Variants in FRAS1 observed in about 807,000 individuals in gnomAD.
FRAS1 encodes extracellular matrix organizing protein FRAS1.
A neutral mutation model predicts 435.2 loss-of-function variants in FRAS1; 290 were observed. The ratio of observed to expected loss-of-function variants is 0.67; its 90% CI spans 0.61 to 0.73. FRAS1 has a LOEUF of 0.73. Ranked by LOEUF, FRAS1 falls within the 30% of genes least tolerant of loss-of-function variation. The pLI, the probability that FRAS1 is intolerant of heterozygous loss-of-function variation, is 0.00. For missense variants in FRAS1, 4,860 were observed against 5,001.5 expected, an observed-to-expected ratio of 0.97 and a Z score of 0.85; for synonymous variants, 1,800 against 1,851.0, an observed-to-expected ratio of 0.97 and a Z score of 0.71.
At chr4:78,391,070 T>C (rs980437042) in intron 29 of FRAS1, among the ~76,000 whole-genome samples, 1 of 152,182 alleles carries the variant, frequency 6.6e-6, no homozygotes, top group Non-Finnish European at 1.5e-5. Flanking sequence ...ATGGATGCAA[T>C]GGCTTGAGTG....
chr4:78,178,860 G>C (rs1425744870), intron 2 of FRAS1, among the ~76,000 whole-genome samples: 1 of 152,128 alleles, frequency 6.6e-6, no homozygotes, highest in Non-Finnish European at 1.5e-5. Context: ...CTTCAAATAG[G>C]ATACTGTATG....
intron 2 of FRAS1, among the ~76,000 whole-genome samples, chr4:78,084,879 A>C (rs915144940): frequency 6.6e-6 from 1 of 152,138 alleles, no homozygotes; most frequent in African/African-American, 2.4e-5. Flanking sequence ...TAAAGAGAAA[A>C]TGAAGCATGA....
intron 63 of FRAS1, among the ~76,000 whole-genome samples, 159 bp downstream of exon 63, chr4:78,509,165 G>C (rs200833353): frequency 1.4e-5 from 1 of 70,540 alleles, no homozygotes; most frequent in Non-Finnish European, 2.6e-5. Context: ...CATAAGAAAA[G>C]GTTATATGCT....
In FRAS1 at chr4:78,481,875, C is replaced by T. The variant is rs373073168; in HGVS notation, c.8515C>T (p.Arg2839Trp). The change falls in exon 57 of 74, where the codon CGG (arginine) becomes TGG (tryptophan). Residue 2839 changes from arginine (R) to tryptophan (W), a missense_variant. Arg to Trp is a moderately radical substitution (Grantham distance 101). Transcript: ENST00000512123. Reference protein sequence around the residue: ...STFASVWCATRPSDPASATPG... With the variant: ...STFASVWCATWPSDPASATPG... ...TTTCGCATCTGTCTGGTGTGCAACG[C>T]GGCCCTCAGACCCAGCTTCTGCCAC... 2.4e-5 allele frequency: 38 copies of T among 1,613,724 alleles called. No individual in the cohort carries two copies. Among genetic ancestry groups the T allele is most frequent in the Admixed American group, 1.2e-4 (7 of 59,990 alleles).
Position 78,252,525 on chromosome 4 carries a change from G to A in FRAS1, c.443G>A (p.Cys148Tyr), listed in dbSNP as rs775952053. ...QELAFIPEGS[C>Y]CPVCVGLGKP... The stretch of plus-strand genomic sequence containing the variant: ...CTGGCATTCATCCCTGAAGGAAGCT[G>A]CTGCCCAGTTTGTGTGGGCCTTGGG... The change falls in exon 5 of 74, where the codon TGC (cysteine) becomes TAC (tyrosine). Residue 148 changes from cysteine (C) to tyrosine (Y), a missense_variant. Coordinates refer to ENST00000512123, the MANE Select transcript of FRAS1 (RefSeq NM_025074.7). 6.2e-7 allele frequency: 1 copy of A among 1,613,730 alleles called. No individual in the cohort carries two copies. Among genetic ancestry groups the A allele is most frequent in the Non-Finnish European group, 8.5e-7 (1 of 1,179,770 alleles).
Position 78,375,872 on chromosome 4 carries a change from A to G in FRAS1, c.3285A>G (p.Thr1095=), listed in dbSNP as rs760081454. 4.3e-6 allele frequency: 7 copies of G among 1,613,854 alleles called. No homozygotes were observed. The highest frequency in any genetic ancestry group is 5.9e-6 in the Non-Finnish European group (7 of 1,179,834). ...TTTCTGTCCACACCTCTAATGAAAC[A>G]TGTTCTGGTAAGTGCTTCTCCTCAG... ...PGFSVHTSNE[T]CSGKIHTPSL... is the part of the protein sequence containing the mutation. Residue 1095 remains threonine, a synonymous_variant, in exon 26 of 74, where the codon ACA becomes ACG. Coordinates refer to ENST00000512123, the MANE Select transcript of FRAS1 (RefSeq NM_025074.7).
intron 2 of FRAS1, among the ~76,000 whole-genome samples, chr4:78,140,946 C>T (rs1047851220): frequency 1.3e-5 from 2 of 152,064 alleles, no homozygotes; most frequent in Non-Finnish European, 2.9e-5. Context: ...AGAAGAGTCA[C>T]AAGTCAGAAC....
chr4:78,507,817 A>G (rs918028394), intron 62 of FRAS1, among the ~76,000 whole-genome samples: 6 of 152,196 alleles, frequency 3.9e-5, no homozygotes, highest in Non-Finnish European at 8.8e-5. Context: ...AGGTGCTACT[A>G]GTATCTAGTG....
intron 2 of FRAS1, among the ~76,000 whole-genome samples, chr4:78,147,029 G>C (rs1333212443): frequency 1.3e-5 from 2 of 151,924 alleles, no homozygotes; most frequent in Admixed American, 6.6e-5. Context: ...GCCCCCAGTA[G>C]ACATCTACAC....
rs189205642 is a variant in FRAS1, at chr4:78,267,307, T to A, written c.856T>A (p.Ser286Thr). 2.7e-5 allele frequency: 44 copies of A among 1,613,808 alleles called. No individual in the cohort carries two copies. Among genetic ancestry groups the A allele is most frequent in the African/African-American group, 5.3e-5 (4 of 74,994 alleles). The change falls in exon 9 of 74, where the codon TCC (serine) becomes ACC (threonine). Residue 286 changes from serine (S) to threonine (T), a missense_variant. Ser to Thr is a moderately conservative substitution (Grantham distance 58). Transcript: ENST00000512123. The stretch of plus-strand genomic sequence containing the variant: ...ATGTGTGTCTCCTGCCGGGAGCTGC[T>A]CCTATGATGGAGTTGTGCGGTACCA... ...EECVSPAGSCSYDGVVRYQDE... is the reference protein window; with the variant it reads ...EECVSPAGSCTYDGVVRYQDE...
At chr4:78,367,157 C>T (rs1215605877) in intron 22 of FRAS1, among the ~76,000 whole-genome samples, 1 of 152,098 alleles carries the variant, frequency 6.6e-6, no homozygotes, top group Non-Finnish European at 1.5e-5. Flanking sequence ...GTAATCCCAC[C>T]ACTTAGGGAG....
rs113580566 is a variant in FRAS1, at chr4:78,098,988, C to A, written c.108+32972C>A. 1.0e-3 allele frequency among the ~76,000 whole-genome samples: 155 copies of A among 152,288 alleles called. 1 individual carries two copies. Among genetic ancestry groups the A allele is most frequent in the African/African-American group, 3.6e-3 (150 of 41,562 alleles). On this transcript the variant is annotated intron_variant, in intron 2 of 73. Coordinates refer to ENST00000512123, the MANE Select transcript of FRAS1 (RefSeq NM_025074.7). ...TGGCAGGGGAGATGTAACAGCAGAA[C>A]CTCGAGCTCCTGCTCCCAAAATCAG... is the stretch of plus-strand genomic sequence containing the variant.
chr4:78,212,944 C>T (rs1202773701), intron 2 of FRAS1, among the ~76,000 whole-genome samples: 1 of 152,140 alleles, frequency 6.6e-6, no homozygotes, highest in Non-Finnish European at 1.5e-5. Flanking sequence ...TCAGCCAATC[C>T]CATGGGAGCT....
intron 2 of FRAS1, among the ~76,000 whole-genome samples, chr4:78,222,063 G>A (rs958746359): frequency 3.3e-5 from 5 of 152,232 alleles, no homozygotes; most frequent in South Asian, 4.2e-4. Flanking sequence ...GGGCAGAGCC[G>A]TGGAGCTCTG....
At chr4:78,114,401 A>G (rs569129015) in intron 2 of FRAS1, among the ~76,000 whole-genome samples, 1 of 152,140 alleles carries the variant, frequency 6.6e-6, no homozygotes, top group Admixed American at 6.6e-5. Context: ...ATGGCTTTGA[A>G]TCTATAAATT....
intron 27 of FRAS1, among the ~76,000 whole-genome samples, chr4:78,381,363 G>A (rs186043765): frequency 6.6e-6 from 1 of 152,150 alleles, no homozygotes; most frequent in Non-Finnish European, 1.5e-5. Context: ...GAGTACAGTG[G>A]CACGATCTTG....
chr4:78,064,281 T>C (rs1331011797), intron 1 of FRAS1, among the ~76,000 whole-genome samples: 2 of 149,572 alleles, frequency 1.3e-5, no homozygotes, highest in Non-Finnish European at 3.0e-5. Flanking sequence ...TCCCTATTCC[T>C]TTCTTTCATA....
Position 78,429,185 on chromosome 4 carries a change from C to T in FRAS1, c.4802C>T (p.Ala1601Val), listed in dbSNP as rs376642933. The T allele has an allele frequency of 2.5e-6, 4 of 1,605,226 alleles. No homozygotes were observed. In the African/African-American group the frequency reaches 4.0e-5, roughly 16 times the overall value. Reference sequence around the variant, plus strand: ...CAACTGCCAGTGTTCCAGGTCACAGCTCCACGGCTGGCGGTCAGCCCAGGA... The same window carrying T: ...CAACTGCCAGTGTTCCAGGTCACAGTTCCACGGCTGGCGGTCAGCCCAGGA... Reference protein sequence around the residue: ...DQQLPVFQVTAPRLAVSPGGS... With the variant: ...DQQLPVFQVTVPRLAVSPGGS... Residue 1601 changes from alanine (A) to valine (V), a missense_variant, in exon 36 of 74, where the codon GCT (alanine) becomes GTT (valine). Physicochemically the swap from Ala to Val is moderately conservative, Grantham distance 64 (BLOSUM62 0). Transcript: ENST00000512123.
At chr4:78,494,518 T>G (rs1289941357) in intron 59 of FRAS1, among the ~76,000 whole-genome samples, 2 of 152,062 alleles carry the variant, frequency 1.3e-5, no homozygotes, top group African/African-American at 4.8e-5. Context: ...AGACTCTTAT[T>G]AACTACCTTA....
Sources: allele counts gnomAD v4.1 joint callset (sites outside exome capture counted in the v4.1 genomes callset), GRCh38; gene constraint gnomAD v4.1.1; transcripts MANE v1.5; gene names NCBI Gene and HGNC (gene_info 2026-07-23, HGNC 2026-07-21).